The following HS3ST5 variants were observed in gnomAD, a reference collection of about 807,000 sequenced individuals.
HS3ST5 encodes the protein heparan sulfate-glucosamine 3-sulfotransferase 5.
In HS3ST5, 10 loss-of-function variants were observed where a neutral mutation model predicts 25.4. The observed-to-expected ratio is 0.39, with a 90% confidence interval of 0.24 to 0.67. HS3ST5 has a LOEUF of 0.67. Among genes scored for constraint, HS3ST5 ranks in the 30% least tolerant of loss-of-function variants. The pLI is 0.44. For synonymous variants in HS3ST5, 170 were observed against 162.4 expected (o/e 1.05, Z -0.36); for missense variants, 324 against 420.7 (o/e 0.77, Z 2.01).
intron 3 of HS3ST5, among the ~76,000 whole-genome samples, chr6:114,130,809 TC>T (rs1439761118): frequency 6.6e-6 from 1 of 151,990 alleles, no homozygotes; most frequent in Non-Finnish European, 1.5e-5. Context: ...GACCATGTGA[TC>T]CGCCCACCTT....
At chr6:114,243,623 TTTG>T (rs766141133) in intron 1 of HS3ST5, among the ~76,000 whole-genome samples, 3 of 152,248 alleles carry the variant, frequency 2.0e-5, no homozygotes, top group East Asian at 1.9e-4. Flanking sequence ...AGATTTTGTT[TTTG>T]TTGTTGTTGT....
chr6:114,253,334 G>C (rs966584569), intron 1 of HS3ST5, among the ~76,000 whole-genome samples: 1 of 152,014 alleles, frequency 6.6e-6, no homozygotes, highest in East Asian at 1.9e-4. Context: ...CTGAAGTTAC[G>C]GCACATTTCA....
At chr6:114,324,977 G>A (rs1364900782) in intron 1 of HS3ST5, among the ~76,000 whole-genome samples, 1 of 152,206 alleles carries the variant, frequency 6.6e-6, no homozygotes, top group Non-Finnish European at 1.5e-5. Context: ...TGCAGGAAAT[G>A]TCTACAGTTA....
intron 1 of HS3ST5, among the ~76,000 whole-genome samples, chr6:114,321,283 G>T (rs1462826552): frequency 6.6e-6 from 1 of 151,872 alleles, no homozygotes; most frequent in Non-Finnish European, 1.5e-5. Flanking sequence ...TATCAAAAAC[G>T]ATTTGCTGTT....
chr6:114,213,351 G>A (rs2114445875), intron 2 of HS3ST5, among the ~76,000 whole-genome samples: 1 of 133,650 alleles, frequency 7.5e-6, no homozygotes, highest in Non-Finnish European at 1.6e-5. Flanking sequence ...GGGGGTGGGG[G>A]GGTGGGCAGG....
At chr6:114,279,349 C>A (rs1453975773) in intron 1 of HS3ST5, among the ~76,000 whole-genome samples, 1 of 151,994 alleles carries the variant, frequency 6.6e-6, no homozygotes, top group Non-Finnish European at 1.5e-5. Context: ...AAATAAGGAG[C>A]AGTAAATTGC....
intron 2 of HS3ST5, among the ~76,000 whole-genome samples, chr6:114,186,103 C>T (rs1223373913): frequency 1.3e-5 from 2 of 151,990 alleles, no homozygotes; most frequent in African/African-American, 4.8e-5. Context: ...CCTTGGGCCT[C>T]CCTATTCTGC....
intron 3 of HS3ST5, among the ~76,000 whole-genome samples, chr6:114,147,503 C>T (rs916387091): frequency 1.3e-5 from 2 of 152,128 alleles, no homozygotes; most frequent in African/African-American, 2.4e-5. Context: ...CTTGGAATAA[C>T]CTAGTGCAGC....
intron 3 of HS3ST5, among the ~76,000 whole-genome samples, chr6:114,097,455 G>A (rs1207501138): frequency 6.6e-6 from 1 of 151,842 alleles, no homozygotes; most frequent in Non-Finnish European, 1.5e-5. Context: ...AGGAAATATT[G>A]GGTATTTAGC....
intron 3 of HS3ST5, among the ~76,000 whole-genome samples, chr6:114,166,353 G>T (rs1779207932): frequency 6.6e-6 from 1 of 152,140 alleles, no homozygotes. Context: ...AGAAATAGCA[G>T]CAGCCAAGGA....
chr6:114,340,826 A>G (rs555835035), intron 1 of HS3ST5: 5 of 152,130 alleles, frequency 3.3e-5, no homozygotes, highest in Non-Finnish European at 7.4e-5. Flanking sequence ...ATAAATTATA[A>G]TGTGTAATTT....
chr6:114,126,277 A>T (rs1300671795), intron 3 of HS3ST5, among the ~76,000 whole-genome samples: 1 of 152,206 alleles, frequency 6.6e-6, no homozygotes, highest in African/African-American at 2.4e-5. Flanking sequence ...CTAGTCATTC[A>T]TAAATAGTAA....
intron 3 of HS3ST5, among the ~76,000 whole-genome samples, chr6:114,094,176 G>A (rs1412189877): frequency 6.6e-6 from 1 of 152,166 alleles, no homozygotes; most frequent in Non-Finnish European, 1.5e-5. Flanking sequence ...CTTAGAAGAC[G>A]ACTGGATATA....
At chr6:114,160,060 T>C (rs1778867561) in intron 3 of HS3ST5, among the ~76,000 whole-genome samples, 1 of 152,168 alleles carries the variant, frequency 6.6e-6, no homozygotes, top group African/African-American at 2.4e-5. Flanking sequence ...TTTTAAAAAC[T>C]GTAGGAATAA....
chr6:114,288,587 A>C (rs368936064), intron 1 of HS3ST5, among the ~76,000 whole-genome samples: 26 of 152,206 alleles, frequency 1.7e-4, no homozygotes, highest in African/African-American at 5.8e-4. Flanking sequence ...GCTGCTGTGC[A>C]TAGGCAGCAG....
chr6:114,058,522 A>T (rs543077798), intron 4 of HS3ST5: 1 of 208,870 alleles, frequency 4.8e-6, no homozygotes, highest in Non-Finnish European at 9.7e-6. Flanking sequence ...ACCAGTTAAA[A>T]TCATTAAGAA....
chr6:114,187,655 T>C (rs1780291021), intron 2 of HS3ST5, among the ~76,000 whole-genome samples: 1 of 152,190 alleles, frequency 6.6e-6, no homozygotes, highest in Admixed American at 6.5e-5. Flanking sequence ...GAACATTACA[T>C]AAACCTAGTT....
At chr6:114,249,490 C>G (rs538816490) in intron 1 of HS3ST5, among the ~76,000 whole-genome samples, 3 of 152,270 alleles carry the variant, frequency 2.0e-5, no homozygotes, top group African/African-American at 2.4e-5. Context: ...AAGATGGGGA[C>G]CCTGCACTGT....
intron 3 of HS3ST5, among the ~76,000 whole-genome samples, chr6:114,068,220 T>C (rs888914882): frequency 6.6e-6 from 1 of 152,190 alleles, no homozygotes; most frequent in Non-Finnish European, 1.5e-5. Flanking sequence ...GGCGCATGCA[T>C]ACACACACAG....
Sources: allele counts gnomAD v4.1 joint callset (sites outside exome capture counted in the v4.1 genomes callset), GRCh38; gene constraint gnomAD v4.1.1; transcripts MANE v1.5; gene names NCBI Gene and HGNC (gene_info 2026-07-23, HGNC 2026-07-21).